Variants in DNAAF9 observed in about 807,000 individuals in gnomAD.
DNAAF9 encodes dynein axonemal assembly factor 9.
A neutral mutation model predicts 167.0 loss-of-function variants in DNAAF9; 90 were observed. The observed-to-expected ratio is 0.54, with a 90% confidence interval of 0.45 to 0.64. The LOEUF is 0.64. DNAAF9 is among the 30% of genes least tolerant of loss of function. The pLI, the probability that DNAAF9 is intolerant of heterozygous loss-of-function variation, is 0.00. For synonymous variants in DNAAF9, 491 were observed against 508.8 expected (o/e 0.96, Z 0.47); for missense variants, 1,315 against 1,442.2 (o/e 0.91, Z 1.43).
At chr20:3,310,734 AG>A (rs2069400501) in intron 20 of DNAAF9, among the ~76,000 whole-genome samples, 1 of 152,098 alleles carries the variant, frequency 6.6e-6, no homozygotes, top group African/African-American at 2.4e-5. Context: ...GCAATCTAAA[AG>A]AAACATGAGC....
At chr20:3,381,565 C>G in intron 2 of DNAAF9, 67 bp from the exon 3 acceptor site, 1 of 1,527,854 alleles carries the variant, frequency 6.5e-7, no homozygotes, top group Admixed American at 2.0e-5. Context: ...CAATAATTTG[C>G]CCCTGCTTAG....
At chr20:3,325,865 T>G (rs911860383) in intron 13 of DNAAF9, among the ~76,000 whole-genome samples, 1 of 147,136 alleles carries the variant, frequency 6.8e-6, no homozygotes. Context: ...AGTAGAATAA[T>G]CTAAAGTTGT....
Position 3,249,719 on chromosome 20 carries a change from T to C in DNAAF9, c.*2853A>G, listed in dbSNP as rs1212990600. On this transcript the variant is annotated 3_prime_UTR_variant, in exon 37 of 37. Coordinates refer to ENST00000252032, the MANE Select transcript of DNAAF9 (RefSeq NM_001009984.3). ...CAACACGGCTGGAATACTTCGTAGT[T>C]TACAATCTTTGAATTGAACTTTTCC... 2.6e-5 allele frequency: 4 copies of C among 152,176 alleles called. No homozygotes were observed. The highest frequency in any genetic ancestry group is 4.4e-5 in the Non-Finnish European group (3 of 68,028). The allele number at this position is 152,176 out of a possible 1,614,324, so 9.4% of individuals were successfully genotyped here.
At chr20:3,380,947 CA>C (rs1215974316) in intron 3 of DNAAF9, among the ~76,000 whole-genome samples, 2 of 152,202 alleles carry the variant, frequency 1.3e-5, no homozygotes, top group African/African-American at 4.8e-5. Flanking sequence ...GACAGCAGGA[CA>C]AAGAGCCTTT....
chr20:3,394,333 C>T (rs972133587), intron 1 of DNAAF9, among the ~76,000 whole-genome samples: 1 of 140,578 alleles, frequency 7.1e-6, no homozygotes, highest in African/African-American at 2.7e-5. Context: ...AGTGAAACTC[C>T]GTCTCAAAAA....
intron 6 of DNAAF9, among the ~76,000 whole-genome samples, chr20:3,367,527 C>G (rs916371613): frequency 6.6e-6 from 1 of 152,208 alleles, no homozygotes; most frequent in African/African-American, 2.4e-5. Flanking sequence ...AGAATTGTGA[C>G]TCTTCCTTTC....
chr20:3,267,824 G>C (rs1230533721), intron 30 of DNAAF9, among the ~76,000 whole-genome samples: 2 of 152,082 alleles, frequency 1.3e-5, no homozygotes, highest in African/African-American at 4.8e-5. Context: ...GACAGAGCAA[G>C]ACTCTGTCTA....
At chr20:3,345,986 C>T (rs2070185527) in intron 8 of DNAAF9, among the ~76,000 whole-genome samples, 1 of 151,964 alleles carries the variant, frequency 6.6e-6, no homozygotes, top group Non-Finnish European at 1.5e-5. Flanking sequence ...CTCTATAGTT[C>T]AGTTAATAAC....
intron 7 of DNAAF9, among the ~76,000 whole-genome samples, chr20:3,357,386 A>T (rs2083300024): frequency 6.6e-6 from 1 of 152,106 alleles, no homozygotes; most frequent in Admixed American, 6.5e-5. Context: ...CAGGAGAATC[A>T]CTTGAACCTG....
intron 26 of DNAAF9, among the ~76,000 whole-genome samples, chr20:3,289,063 A>G (rs1600712903): frequency 2.0e-5 from 3 of 152,286 alleles, no homozygotes; most frequent in Admixed American, 2.0e-4. Flanking sequence ...ATTGGAATCT[A>G]AGCTGGGTGC....
intron 33 of DNAAF9, among the ~76,000 whole-genome samples, chr20:3,256,636 A>C (rs2068285488): frequency 6.6e-6 from 1 of 152,220 alleles, no homozygotes; most frequent in Non-Finnish European, 1.5e-5. Flanking sequence ...GAAGGGAAAC[A>C]CAAGAGAAAA....
intron 1 of DNAAF9, among the ~76,000 whole-genome samples, chr20:3,401,468 G>A (rs1025839064): frequency 1.3e-5 from 2 of 152,094 alleles, no homozygotes; most frequent in South Asian, 2.1e-4. Flanking sequence ...CCAAAGTGCC[G>A]GGATTACAGG....
chr20:3,397,540 G>C (rs1417488378), intron 1 of DNAAF9, among the ~76,000 whole-genome samples: 2 of 152,082 alleles, frequency 1.3e-5, no homozygotes, highest in Non-Finnish European at 2.9e-5. Flanking sequence ...GGATGGTCTT[G>C]ATCTCCTGAC....
chr20:3,295,589 C>G, intron 23 of DNAAF9: 1 of 381,620 alleles, frequency 2.6e-6, no homozygotes, highest in Non-Finnish European at 5.1e-6. Flanking sequence ...GCAACATGGT[C>G]ACAGGACTGG....
At chr20:3,322,546 T>C in intron 15 of DNAAF9, 106 bp downstream of exon 15, 1 of 907,976 alleles carries the variant, frequency 1.1e-6, no homozygotes, top group Non-Finnish European at 1.9e-6. Flanking sequence ...GTGATGTCAC[T>C]GCTAGGTGTG....
At chr20:3,269,208 C>CTTTTT (rs758519001) in intron 30 of DNAAF9, among the ~76,000 whole-genome samples, 2 of 137,906 alleles carry the variant, frequency 1.5e-5, no homozygotes, top group Non-Finnish European at 1.6e-5. Flanking sequence ...CACCCGGCCA[C>CTTTTT]TTTTTTTTTT....
At chr20:3,322,115 G>T in intron 16 of DNAAF9, 102 bp downstream of exon 16, 1 of 760,152 alleles carries the variant, frequency 1.3e-6, no homozygotes. Context: ...TTCTTCAGGT[G>T]GGGTGGGCTG....
At chr20:3,304,843 A>G (rs1164797645) in intron 20 of DNAAF9, among the ~76,000 whole-genome samples, 1 of 152,214 alleles carries the variant, frequency 6.6e-6, no homozygotes, top group Admixed American at 6.5e-5. Context: ...ACGGAAACAC[A>G]CTAAAAAAGA....
chr20:3,279,016 A>T, intron 28 of DNAAF9, 67 bp from the exon 29 acceptor site: 1 of 1,173,828 alleles, frequency 8.5e-7, no homozygotes. Flanking sequence ...ATTATTTCCC[A>T]TACAAATAGG....
Sources: allele counts gnomAD v4.1 joint callset (sites outside exome capture counted in the v4.1 genomes callset), GRCh38; gene constraint gnomAD v4.1.1; transcripts MANE v1.5; gene names NCBI Gene and HGNC (gene_info 2026-07-23, HGNC 2026-07-21).